ASIC1: variants seen among roughly 807,000 people sequenced by gnomAD.
ASIC1 encodes acid sensing ion channel subunit 1.
A neutral mutation model predicts 63.4 loss-of-function variants in ASIC1; 21 were observed. The ratio of observed to expected loss-of-function variants is 0.33; its 90% CI spans 0.23 to 0.48. The LOEUF (loss-of-function observed/expected upper bound fraction) is 0.48, where lower values mean the gene tolerates loss of function less well. Among genes scored for constraint, ASIC1 ranks in the 20% least tolerant of loss-of-function variants. The pLI, the probability that ASIC1 is intolerant of heterozygous loss-of-function variation, is 0.99. For synonymous variants in ASIC1, 258 were observed against 278.2 expected (o/e 0.93, Z 0.72); for missense variants, 478 against 695.5 (o/e 0.69, Z 3.52).
At chr12:50,073,538 C>A (rs1950620144) in intron 3 of ASIC1, 1 of 1,461,368 alleles carries the variant, frequency 6.8e-7, no homozygotes, top group Non-Finnish European at 9.0e-7. Flanking sequence ...CTGGCACCTT[C>A]CCCCTTCCTC....
At chr12:50,075,464 T>C (rs540754953) in intron 3 of ASIC1, among the ~76,000 whole-genome samples, 1 of 152,036 alleles carries the variant, frequency 6.6e-6, no homozygotes, top group East Asian at 1.9e-4. Flanking sequence ...CCGGATGGAG[T>C]GTAGGCATGG....
chr12:50,077,491 A>G (rs1380194247), intron 4 of ASIC1, 128 bp downstream of exon 4: 3 of 1,329,728 alleles, frequency 2.3e-6, no homozygotes, highest in East Asian at 2.5e-5. Context: ...GCATCTCACC[A>G]TCTCTATCAC....
chr12:50,071,524 T>C (rs1036061002), intron 3 of ASIC1, among the ~76,000 whole-genome samples: 2 of 152,084 alleles, frequency 1.3e-5, no homozygotes, highest in Non-Finnish European at 2.9e-5. Context: ...CCTCTTGATC[T>C]GTCCACCTCG....
chr12:50,074,127 C>T lies in ASIC1; in HGVS notation c.559-3086C>T. ...TCGCTCCACCGGGCCCTGAGGCCTTCTCTGGGGAGCCCTTTAACCTGCACC... is the reference window on the plus strand; with the variant it reads ...TCGCTCCACCGGGCCCTGAGGCCTTTTCTGGGGAGCCCTTTAACCTGCACC... On this transcript the variant is annotated intron_variant, in intron 3 of 11. Transcript: ENST00000447966. The surrounding 1 kb of genome is among the most constrained non-coding windows in gnomAD (Gnocchi z 4.2). 1 of 1,535,756 alleles carries T rather than the reference C, an allele frequency of 6.5e-7. No individual in the cohort carries two copies. The highest frequency in any genetic ancestry group is 8.7e-7 in the Non-Finnish European group (1 of 1,146,644).
Position 50,079,369 on chromosome 12 carries a change from C to T in ASIC1, c.1051+389C>T, listed in dbSNP as rs558522561. On this transcript the variant is annotated intron_variant, in intron 7 of 11. Coordinates refer to ENST00000447966, the MANE Select transcript of ASIC1 (RefSeq NM_001095.4). ...GTGAGGTTGCAGTGAGCCGAGATTG[C>T]ACCACTGCACTCCAGCCTGGGTGAC... Among the ~76,000 whole-genome samples the T allele has an allele frequency of 2.6e-5, 4 of 152,182 alleles. No individual in the cohort carries two copies. In the South Asian group the frequency reaches 6.2e-4, roughly 24 times the overall value.
rs1185688854 is a variant in ASIC1, at chr12:50,078,597, G to A, written c.994+20G>A. On this transcript the variant is annotated intron_variant, in intron 6 of 11. Coordinates refer to ENST00000447966, the MANE Select transcript of ASIC1 (RefSeq NM_001095.4). The surrounding 1 kb of genome is among the most constrained non-coding windows in gnomAD (Gnocchi z 6.0). ...TGCCAGGTCAGGCCTGGGGCTCCGAGCATACTCCTGGGGTCCCTGGGCCTT... is the reference window on the plus strand; with the variant it reads ...TGCCAGGTCAGGCCTGGGGCTCCGAACATACTCCTGGGGTCCCTGGGCCTT... The A allele has an allele frequency of 1.2e-6, 2 of 1,613,544 alleles. No homozygotes were observed. The highest frequency in any genetic ancestry group is 1.1e-5 in the South Asian group (1 of 91,082).
chr12:50,059,963 C>G lies in ASIC1; in HGVS notation c.558+9C>G. ...CTGAAGACTTCAAGGTGGTGAGTCC[C>G]CTCGTGTGGGGTGTGAGTCAGCCTG... On this transcript the variant is annotated intron_variant, in intron 3 of 11. Coordinates refer to ENST00000447966, the MANE Select transcript of ASIC1 (RefSeq NM_001095.4). The surrounding 1 kb of genome is among the most constrained non-coding windows in gnomAD (Gnocchi z 4.6). 1 of 1,612,988 alleles carries G rather than the reference C, an allele frequency of 6.2e-7. No homozygotes were observed. The highest frequency in any genetic ancestry group is 1.3e-5 in the African/African-American group (1 of 75,014).
At chr12:50,069,039 G>T (rs1950572514) in intron 3 of ASIC1, among the ~76,000 whole-genome samples, 1 of 152,076 alleles carries the variant, frequency 6.6e-6, no homozygotes, top group Non-Finnish European at 1.5e-5. Flanking sequence ...TGGCCTTTAA[G>T]GCCCTGAGTG....
chr12:50,072,259 C>G (rs991751764), intron 3 of ASIC1, among the ~76,000 whole-genome samples: 1 of 152,166 alleles, frequency 6.6e-6, no homozygotes, highest in South Asian at 2.1e-4. Context: ...CACCTAGCCC[C>G]GGTCTAGCCC....
intron 3 of ASIC1, among the ~76,000 whole-genome samples, chr12:50,066,629 G>A (rs1319619076): frequency 6.6e-6 from 1 of 152,126 alleles, no homozygotes; most frequent in East Asian, 1.9e-4. Context: ...ATCACATTGC[G>A]TTCATGCTCA....
At chr12:50,060,880 A>G (rs1387723312) in intron 3 of ASIC1, among the ~76,000 whole-genome samples, 1 of 152,140 alleles carries the variant, frequency 6.6e-6, no homozygotes, top group Non-Finnish European at 1.5e-5. Flanking sequence ...AACTCTTTCA[A>G]ATGCTTTCTA....
In ASIC1 at chr12:50,058,810, C is replaced by G. The variant is rs749977160; in HGVS notation, c.44C>G (p.Pro15Arg). The G allele has an allele frequency of 2.5e-6, 4 of 1,602,296 alleles. No individual in the cohort carries two copies. Among genetic ancestry groups the G allele is most frequent in the African/African-American group, 1.3e-5 (1 of 74,780 alleles). Residue 15 changes from proline (P) to arginine (R), a missense_variant, in exon 2 of 12, where the codon CCG (proline) becomes CGG (arginine). Around this residue, in one of 3 missense-constraint regions of ASIC1, gnomAD observed 290 missense variants for 414.9 expected, o/e 0.70. Coordinates refer to ENST00000447966, the MANE Select transcript of ASIC1 (RefSeq NM_001095.4). ...AEEEEVGGVQPVSIQAFASSS... is the reference protein window; with the variant it reads ...AEEEEVGGVQRVSIQAFASSS... ...GAGGAGGAGGTGGGTGGCGTCCAGC[C>G]GGTGAGCATCCAGGCCTTCGCCAGC...
Position 50,083,166 on chromosome 12 carries a change from C to G in ASIC1, c.*1517C>G, listed in dbSNP as rs1251057503. 1 of 152,238 alleles carries G rather than the reference C, an allele frequency of 6.6e-6. No individual in the cohort carries two copies. The highest frequency in any genetic ancestry group is 1.5e-5 in the Non-Finnish European group (1 of 68,050). 9.4% of individuals were successfully genotyped at this position (152,238 alleles called of 1,614,324 possible). Reference sequence around the variant, plus strand: ...TCCTTCTGGGTGCCCAGCCCCCTTTCCTCACCTGATACCCAAGCCCACCAC... The same window carrying G: ...TCCTTCTGGGTGCCCAGCCCCCTTTGCTCACCTGATACCCAAGCCCACCAC... On this transcript the variant is annotated 3_prime_UTR_variant, in exon 12 of 12. Transcript: ENST00000447966.
At position 50,081,208 on chromosome 12, in the gene ASIC1, G is replaced by A. The variant is rs565275659; in HGVS notation, c.1377+27G>A. 146 of 1,607,274 alleles carry A rather than the reference G, an allele frequency of 9.1e-5. 6 individuals carry two copies. In the South Asian group the frequency reaches 1.6e-3, roughly 18 times the overall value. ...TAAGCGGGGGCGAGGCCCGGCACGG[G>A]GCCACGTGGGGGCGGGGTCCAGCCC... On this transcript the variant is annotated intron_variant, in intron 10 of 11. Transcript: ENST00000447966.
At chr12:50,076,495 G>C (rs936515479) in intron 3 of ASIC1, among the ~76,000 whole-genome samples, 2 of 151,914 alleles carry the variant, frequency 1.3e-5, no homozygotes, top group African/African-American at 4.8e-5. Flanking sequence ...TTGGGTCTTG[G>C]GGAAAGCAGA....
chr12:50,072,524 A>G (rs1950610029), intron 3 of ASIC1, among the ~76,000 whole-genome samples: 1 of 151,584 alleles, frequency 6.6e-6, no homozygotes, highest in Non-Finnish European at 1.5e-5. Flanking sequence ...TTTGGTGGGA[A>G]CCCCAAGTTG....
chr12:50,079,098 C>G, intron 7 of ASIC1, 118 bp downstream of exon 7: 1 of 996,340 alleles, frequency 1.0e-6, no homozygotes, highest in Admixed American at 2.1e-5. Context: ...TGGGCTGCAC[C>G]CTCTCTTGTG....
At chr12:50,070,520 G>A (rs181668240) in intron 3 of ASIC1, among the ~76,000 whole-genome samples, 28 of 152,234 alleles carry the variant, frequency 1.8e-4, no homozygotes, top group Admixed American at 1.2e-3. Flanking sequence ...GAGGTATTCA[G>A]TTGCACCCAA....
chr12:50,059,921 G>T lies in ASIC1; in HGVS notation c.525G>T (p.Arg175=). 6.2e-7 allele frequency: 1 copy of T among 1,614,100 alleles called. No homozygotes were observed. The highest frequency in any genetic ancestry group is 1.1e-5 in the South Asian group (1 of 91,084). ...ACATGCTGCTCTCCTGCCACTTCCGGGGGGAGGTCTGCAGCGCTGAAGACT... is the reference window on the plus strand; with the variant it reads ...ACATGCTGCTCTCCTGCCACTTCCGTGGGGAGGTCTGCAGCGCTGAAGACT... ...IRDMLLSCHF[R]GEVCSAEDFK... is the part of the protein sequence containing the mutation. The change falls in exon 3 of 12, where the codon CGG becomes CGT. Residue 175 remains arginine, a synonymous_variant. Transcript: ENST00000447966. The surrounding 1 kb of genome is among the most constrained non-coding windows in gnomAD (Gnocchi z 4.6).
Sources: gnomAD v4.1 joint callset for allele counts (sites outside exome capture counted in the v4.1 genomes callset) on GRCh38, gnomAD v4.1.1 for gene constraint, gnomAD v4.1.1 regional missense constraint, Gnocchi (gnomAD v3.1) non-coding constraint, MANE v1.5 for transcripts, NCBI Gene and HGNC (gene_info 2026-07-23, HGNC 2026-07-21) for gene names.